GFI1B: variants seen among roughly 807,000 people sequenced by gnomAD.
The protein encoded by GFI1B is growth factor independent 1B transcriptional repressor, also known as zinc finger protein Gfi-1b.
A neutral mutation model predicts 35.3 loss-of-function variants in GFI1B; 20 were observed. That is an observed-to-expected ratio of 0.57 (90% CI 0.40 to 0.82). The LOEUF (loss-of-function observed/expected upper bound fraction) is 0.82, where lower values mean the gene tolerates loss of function less well. GFI1B is among the 40% of genes least tolerant of loss of function. GFI1B has a pLI of 0.00. For synonymous variants in GFI1B, 178 were observed against 177.6 expected, an observed-to-expected ratio of 1.00 and a Z score of -0.02; for missense variants, 430 against 446.3, an observed-to-expected ratio of 0.96 and a Z score of 0.33.
chr9:132,952,111 T>C (rs540302944), intron 1 of GFI1B: 19 of 152,280 alleles, frequency 1.2e-4, no homozygotes, highest in African/African-American at 4.6e-4. Context: ...TTATAGTTTT[T>C]AATATTATTT....
At chr9:132,979,579 C>T (rs1848746934) in intron 1 of GFI1B, among the ~76,000 whole-genome samples, 1 of 152,144 alleles carries the variant, frequency 6.6e-6, no homozygotes, top group Non-Finnish European at 1.5e-5. Flanking sequence ...CTCTCCCCTC[C>T]AGAGCCTACT....
chr9:132,958,769 C>T (rs139798055), intron 1 of GFI1B, among the ~76,000 whole-genome samples: 142 of 152,272 alleles, frequency 9.3e-4, no homozygotes, highest in African/African-American at 3.0e-3. Context: ...GGCTAGAGAA[C>T]GTGGGCTGAT....
chr9:132,953,928 C>G (rs929037183), intron 1 of GFI1B, among the ~76,000 whole-genome samples: 1 of 152,114 alleles, frequency 6.6e-6, no homozygotes, highest in Non-Finnish European at 1.5e-5. Flanking sequence ...CAGAGTGAGA[C>G]TCCATCTCAA....
At chr9:132,980,023 T>C (rs1848765261) in intron 1 of GFI1B, among the ~76,000 whole-genome samples, 1 of 152,240 alleles carries the variant, frequency 6.6e-6, no homozygotes, top group Admixed American at 6.5e-5. Flanking sequence ...GTGTCAAGTT[T>C]CTTGTCCTCG....
At chr9:132,949,022 G>T (rs779993419) in intron 1 of GFI1B, among the ~76,000 whole-genome samples, 10 of 152,198 alleles carry the variant, frequency 6.6e-5, no homozygotes, top group Non-Finnish European at 1.3e-4. Flanking sequence ...TGTCTCACCC[G>T]TGGTGTTAGT....
chr9:132,989,336 C>T lies in GFI1B; in HGVS notation c.648+138C>T, dbSNP rs1849202471. ...TTGGGAGGGGTCCCCTAGTACCCACCTCCCTGGGTCTGGGTCTCCAACACC... is the reference window on the plus strand; with the variant it reads ...TTGGGAGGGGTCCCCTAGTACCCACTTCCCTGGGTCTGGGTCTCCAACACC... On this transcript the variant is annotated intron_variant, in intron 5 of 6. Transcript: ENST00000372122. The surrounding 1 kb of genome is among the most constrained non-coding windows in gnomAD (Gnocchi z 6.2). 9.9e-6 allele frequency: 8 copies of T among 806,654 alleles called. No homozygotes were observed. In the Middle Eastern group the frequency reaches 1.4e-3, roughly 137 times the overall value. 50.0% of individuals were successfully genotyped at this position (806,654 alleles called of 1,614,324 possible).
intron 1 of GFI1B, among the ~76,000 whole-genome samples, chr9:132,985,385 G>T (rs576449881): frequency 3.3e-5 from 5 of 152,302 alleles, no homozygotes; most frequent in African/African-American, 1.2e-4. Flanking sequence ...GACTGGTGGG[G>T]TTGGTAGTGA....
intron 1 of GFI1B, among the ~76,000 whole-genome samples, chr9:132,954,811 C>T (rs1258580759): frequency 4.6e-5 from 7 of 151,562 alleles, no homozygotes; most frequent in South Asian, 2.1e-4. Context: ...CTCCTCCTCC[C>T]GGGTTCAAGT....
In GFI1B at chr9:132,988,397, G is replaced by A; in HGVS notation, c.439G>A (p.Glu147Lys). ...CGGCAGTCCTCTTGTGCCCAGCACT[G>A]AGCCCGCCTTGGACTTCAGCCTCCG... ...LYGSPLVPST[E>K]PALDFSLRYS... is the part of the protein sequence containing the mutation. Residue 147 changes from glutamate (E) to lysine (K), a missense_variant, in exon 4 of 7, where the codon GAG becomes AAG. Glu to Lys is a moderately conservative substitution (Grantham distance 56, BLOSUM62 1). Coordinates refer to ENST00000372122, the MANE Select transcript of GFI1B (RefSeq NM_001377304.1). 1 of 1,614,122 alleles carries A rather than the reference G, an allele frequency of 6.2e-7. No homozygotes were observed. Among genetic ancestry groups the A allele is most frequent in the Non-Finnish European group, 8.5e-7 (1 of 1,180,008 alleles).
Position 132,989,612 on chromosome 9 carries a change from A to C in GFI1B, c.649-130A>C, listed in dbSNP as rs1219094376. ...CAAGCCCCAGTTTCACCTCAGAGGC[A>C]GAGATGAGGGGTCCCCCGGTCCTGC... is the stretch of plus-strand genomic sequence containing the variant. On this transcript the variant is annotated intron_variant, in intron 5 of 6. Transcript: ENST00000372122. This position sits in a 1 kb window ranked among gnomAD's most constrained non-coding sequence, Gnocchi z 6.2. 1 of 668,348 alleles carries C rather than the reference A, an allele frequency of 1.5e-6. No individual in the cohort carries two copies. Among genetic ancestry groups the C allele is most frequent in the Non-Finnish European group, 2.6e-6 (1 of 383,348 alleles). The allele number at this position is 668,348 out of a possible 1,614,324, so 41.4% of individuals were successfully genotyped here.
At chr9:132,959,371 C>T (rs1202977428) in intron 1 of GFI1B, among the ~76,000 whole-genome samples, 2 of 152,190 alleles carry the variant, frequency 1.3e-5, no homozygotes, top group Admixed American at 6.5e-5. Flanking sequence ...TTGTAAGTTT[C>T]CTGAGGCCCT....
chr9:132,971,955 C>T (rs930552063), intron 1 of GFI1B, among the ~76,000 whole-genome samples: 6 of 121,444 alleles, frequency 4.9e-5, no homozygotes, highest in African/African-American at 1.6e-4. Context: ...GTCTGGGTGA[C>T]AAAGCAAGAC....
At chr9:132,978,393 A>G (rs1008536652), upstream of GFI1B, 1 of 152,242 alleles carries the variant, frequency 6.6e-6, no homozygotes, top group East Asian at 1.9e-4. Context: ...ATCGAGTTTT[A>G]TAAGTTAGAG....
In GFI1B at chr9:132,986,124, A is replaced by C. The variant is rs73660576; in HGVS notation, c.-20-535A>C. On this transcript the variant is annotated intron_variant, in intron 1 of 6. Coordinates refer to ENST00000372122, the MANE Select transcript of GFI1B (RefSeq NM_001377304.1). Reference sequence around the variant, plus strand: ...AACAGGTGGCTTAAAACCAACAGAAATTTATTCTTTCATGGTTCTGGGATC... The same window carrying C: ...AACAGGTGGCTTAAAACCAACAGAACTTTATTCTTTCATGGTTCTGGGATC... Among the ~76,000 whole-genome samples the C allele has an allele frequency of 9.5e-3, 1,452 of 152,264 alleles. 24 individuals carry two copies. The highest frequency in any genetic ancestry group is 0.033 in the African/African-American group (1,377 of 41,546).
chr9:132,964,743 CTTTTTTTTTTTTTTTT>C (rs71376675), intron 1 of GFI1B, among the ~76,000 whole-genome samples: 2 of 107,934 alleles, frequency 1.9e-5, no homozygotes, highest in Admixed American at 1.1e-4. Context: ...ATTTTTCTTC[CTTTTTTTTTTTTTTTT>C]TTTTTTTTTT....
upstream of GFI1B, among the ~76,000 whole-genome samples, chr9:132,976,923 C>T (rs1848646758): frequency 6.6e-6 from 1 of 152,150 alleles, no homozygotes; most frequent in Non-Finnish European, 1.5e-5. Context: ...GTCTGGGCTA[C>T]AAAGCCAACT....
upstream of GFI1B, among the ~76,000 whole-genome samples, chr9:132,973,988 C>G (rs1209951435): frequency 6.6e-6 from 1 of 152,166 alleles, no homozygotes; most frequent in African/African-American, 2.4e-5. Context: ...CCCTAGCAAT[C>G]TTTCTGAAAC....
At chr9:132,973,837 C>T (rs1403373472), upstream of GFI1B, among the ~76,000 whole-genome samples, 1 of 152,172 alleles carries the variant, frequency 6.6e-6, no homozygotes, top group Admixed American at 6.5e-5. Context: ...AAACCCACCT[C>T]TTCCTCTACA....
At chr9:132,958,347 G>A (rs982956493) in intron 1 of GFI1B, among the ~76,000 whole-genome samples, 6 of 152,100 alleles carry the variant, frequency 3.9e-5, no homozygotes, top group Non-Finnish European at 8.8e-5. Context: ...GGTTTAATTG[G>A]CTCACAGTTC....
Sources: allele counts gnomAD v4.1 joint callset (sites outside exome capture counted in the v4.1 genomes callset), GRCh38; gene constraint gnomAD v4.1.1; non-coding constraint Gnocchi (gnomAD v3.1); transcripts MANE v1.5; gene names NCBI Gene and HGNC (gene_info 2026-07-23, HGNC 2026-07-21).